Variants in SCAPER observed in about 807,000 individuals in gnomAD.
The protein encoded by SCAPER is S-phase cyclin A associated protein in the ER, also known as S phase cyclin A-associated protein in the endoplasmic reticulum.
A neutral mutation model predicts 182.2 loss-of-function variants in SCAPER; 98 were observed. The ratio of observed to expected loss-of-function variants is 0.54; its 90% CI spans 0.46 to 0.64. The LOEUF (loss-of-function observed/expected upper bound fraction) is 0.64. Ranked by LOEUF, SCAPER falls within the 30% of genes least tolerant of loss-of-function variation. The pLI is 0.00. For synonymous variants in SCAPER, 605 were observed against 564.6 expected, an observed-to-expected ratio of 1.07 and a Z score of -1.01; for missense variants, 1,432 against 1,690.0, an observed-to-expected ratio of 0.85 and a Z score of 2.68.
At chr15:76,434,841 C>T (rs1312481247) in intron 25 of SCAPER, among the ~76,000 whole-genome samples, 1 of 152,168 alleles carries the variant, frequency 6.6e-6, no homozygotes, top group Admixed American at 6.5e-5. Context: ...GTATAGTTTA[C>T]AAGTAACGTG....
At chr15:76,578,167 G>A (rs910542805) in intron 22 of SCAPER, among the ~76,000 whole-genome samples, 1 of 152,078 alleles carries the variant, frequency 6.6e-6, no homozygotes, top group Admixed American at 6.6e-5. Flanking sequence ...TGTGGTTTGG[G>A]TGTCAGCTCA....
chr15:76,523,653 G>A, intron 23 of SCAPER, among the ~76,000 whole-genome samples: 1 of 151,974 alleles, frequency 6.6e-6, no homozygotes, highest in East Asian at 1.9e-4. Flanking sequence ...AACCATAATT[G>A]CATAGTACAT....
chr15:76,537,596 A>T (rs62030365), intron 23 of SCAPER, among the ~76,000 whole-genome samples: 12,579 of 152,132 alleles, frequency 0.083, 590 homozygotes, highest in Middle Eastern at 0.12. Context: ...TAAAGGTTAG[A>T]CCTAAAACCA....
chr15:76,599,691 C>A lies in SCAPER; in HGVS notation c.2711+22073G>T, dbSNP rs1345314529. Among the ~76,000 whole-genome samples, 4 of 121,822 alleles carry A rather than the reference C, an allele frequency of 3.3e-5. 1 individual carries two copies. Among genetic ancestry groups the A allele is most frequent in the African/African-American group, 1.0e-4 (4 of 39,848 alleles). 79.9% of individuals were successfully genotyped at this position (121,822 alleles called of 152,430 possible). A position where few individuals can be genotyped will look rare whatever the true frequency, so the allele number is the denominator to read the frequency against. On this transcript the variant is annotated intron_variant, in intron 22 of 31. Transcript: ENST00000563290. Reference sequence around the variant, plus strand: ...GATGATTCTCATCTGTGGTGAAAGACAAGCTCTACAACAGGTGATTCTAAT... The same window carrying A: ...GATGATTCTCATCTGTGGTGAAAGAAAAGCTCTACAACAGGTGATTCTAAT...
chr15:76,759,004 T>C (rs1218851992), intron 14 of SCAPER, among the ~76,000 whole-genome samples: 1 of 152,210 alleles, frequency 6.6e-6, no homozygotes, highest in African/African-American at 2.4e-5. Context: ...AGGTTTTCTA[T>C]ATTTATGATG....
chr15:76,776,870 A>C (rs2063776498), intron 8 of SCAPER, among the ~76,000 whole-genome samples: 1 of 152,210 alleles, frequency 6.6e-6, no homozygotes, highest in South Asian at 2.1e-4. Context: ...ACTAGAGTTC[A>C]AGAAGGAGAG....
intron 21 of SCAPER, among the ~76,000 whole-genome samples, chr15:76,632,282 T>C (rs2053184050): frequency 6.6e-6 from 1 of 151,982 alleles, no homozygotes. Context: ...CTCCACCTGC[T>C]GGGTTCAAAC....
At chr15:76,466,434 T>G (rs1283978882) in intron 25 of SCAPER, among the ~76,000 whole-genome samples, 1 of 141,696 alleles carries the variant, frequency 7.1e-6, no homozygotes, top group African/African-American at 2.5e-5. Flanking sequence ...TTTTTTTTTT[T>G]TTTTTTTTGT....
chr15:76,631,952 T>C (rs1567650987), intron 21 of SCAPER, among the ~76,000 whole-genome samples: 4 of 152,272 alleles, frequency 2.6e-5, no homozygotes, highest in African/African-American at 9.6e-5. Context: ...CTTTTAACAG[T>C]CCCATAGTTC....
At chr15:76,474,435 T>C (rs909182804) in intron 24 of SCAPER, among the ~76,000 whole-genome samples, 1 of 152,104 alleles carries the variant, frequency 6.6e-6, no homozygotes, top group African/African-American at 2.4e-5. Context: ...GATAGGTTCC[T>C]GAAAAAAGGG....
At chr15:76,461,209 G>T (rs1417926282) in intron 25 of SCAPER, among the ~76,000 whole-genome samples, 1 of 152,044 alleles carries the variant, frequency 6.6e-6, no homozygotes, top group Admixed American at 6.6e-5. Flanking sequence ...TTGTAAACAT[G>T]TATTATTATC....
At chr15:76,636,828 T>TC (rs1277030621) in intron 21 of SCAPER, among the ~76,000 whole-genome samples, 1 of 152,198 alleles carries the variant, frequency 6.6e-6, no homozygotes, top group African/African-American at 2.4e-5. Context: ...GTTCTCACAG[T>TC]TTTTGCCAAT....
At chr15:76,857,102 G>A (rs1324041414) in intron 4 of SCAPER, among the ~76,000 whole-genome samples, 4 of 152,048 alleles carry the variant, frequency 2.6e-5, no homozygotes, top group Admixed American at 1.3e-4. Context: ...AAACATTGAA[G>A]GCATAGCAGA....
intron 23 of SCAPER, among the ~76,000 whole-genome samples, chr15:76,560,061 T>A (rs2046493050): frequency 6.6e-6 from 1 of 152,132 alleles, no homozygotes; most frequent in Admixed American, 6.5e-5. Flanking sequence ...CACTGAGTTT[T>A]ATTTTTTTTT....
chr15:76,716,447 C>T (rs2059893388), intron 17 of SCAPER, among the ~76,000 whole-genome samples: 1 of 151,896 alleles, frequency 6.6e-6, no homozygotes, highest in Non-Finnish European at 1.5e-5. Flanking sequence ...CAATAACTCT[C>T]CAGTAACTGA....
At chr15:76,492,399 T>C (rs969676331) in intron 24 of SCAPER, among the ~76,000 whole-genome samples, 8 of 152,360 alleles carry the variant, frequency 5.3e-5, no homozygotes, top group East Asian at 1.9e-4. Context: ...ATTATGTTTA[T>C]GAATTTATTT....
chr15:76,385,773 T>C (rs754222110), intron 27 of SCAPER, among the ~76,000 whole-genome samples: 1 of 152,196 alleles, frequency 6.6e-6, no homozygotes, highest in Non-Finnish European at 1.5e-5. Flanking sequence ...CTGGGAACTC[T>C]GAGCACCTGT....
intron 23 of SCAPER, among the ~76,000 whole-genome samples, chr15:76,541,345 T>C (rs774274265): frequency 7.2e-5 from 11 of 152,254 alleles, no homozygotes; most frequent in Non-Finnish European, 1.5e-4. Context: ...ATTCAGCATC[T>C]ATCCTAGGCC....
Position 76,589,591 on chromosome 15 carries a change from C to T in SCAPER, c.2712-15307G>A, listed in dbSNP as rs115692826. 5.6e-3 allele frequency among the ~76,000 whole-genome samples: 860 copies of T among 152,216 alleles called. 8 individuals carry two copies. Among genetic ancestry groups the T allele is most frequent in the African/African-American group, 0.02 (831 of 41,532 alleles). ...GGCAGTGGGCAAGCTCAGCTGAGAA[C>T]ATGCCCCAGGCTACCAGCCTCCCAG... On this transcript the variant is annotated intron_variant, in intron 22 of 31. Coordinates refer to ENST00000563290, the MANE Select transcript of SCAPER (RefSeq NM_020843.4).
Sources: allele counts gnomAD v4.1 joint callset (sites outside exome capture counted in the v4.1 genomes callset), GRCh38; gene constraint gnomAD v4.1.1; transcripts MANE v1.5; gene names NCBI Gene and HGNC (gene_info 2026-07-23, HGNC 2026-07-21).